The following ABCB4 variants were observed in gnomAD, a reference collection of about 807,000 sequenced individuals.
The protein encoded by ABCB4 is phosphatidylcholine translocator ABCB4.
Under a neutral mutation model 145.7 loss-of-function variants are expected in ABCB4, and 76 were observed. The observed-to-expected ratio is 0.52, with a 90% CI of 0.43 to 0.63. The LOEUF is 0.63. ABCB4 is among the 30% of genes least tolerant of loss of function. The pLI is 0.00. For synonymous variants in ABCB4, 517 were observed against 566.8 expected (o/e 0.91, Z 1.25); for missense variants, 1,234 against 1,553.1 (o/e 0.79, Z 3.45).
downstream of ABCB4, chr7:87,399,537 G>A (rs530636305): frequency 6.6e-6 from 1 of 152,268 alleles, no homozygotes; most frequent in African/African-American, 2.4e-5. Flanking sequence ...TAGTAGTATG[G>A]AGATGTATAC....
intron 3 of ABCB4, among the ~76,000 whole-genome samples, chr7:87,464,954 C>T (rs915720782): frequency 2.0e-5 from 3 of 152,308 alleles, no homozygotes; most frequent in Admixed American, 6.5e-5. Flanking sequence ...GCAAGTGACA[C>T]AGATAACAGG....
chr7:87,439,901 T>A (rs1395804594), intron 13 of ABCB4, 64 bp from the exon 14 acceptor site: 4 of 1,594,990 alleles, frequency 2.5e-6, no homozygotes, highest in Non-Finnish European at 3.4e-6. Flanking sequence ...AGGAATTCTA[T>A]AGAACTACAT....
chr7:87,368,413 G>T, the ABCB4 span, among the ~76,000 whole-genome samples: 1 of 152,146 alleles, frequency 6.6e-6, no homozygotes, highest in Admixed American at 6.5e-5. Flanking sequence ...GAGGTAAAAG[G>T]ATCTGGAGGT....
intron 3 of ABCB4, among the ~76,000 whole-genome samples, chr7:87,471,965 T>A (rs1439933984): frequency 6.6e-6 from 1 of 152,214 alleles, no homozygotes; most frequent in Non-Finnish European, 1.5e-5. Flanking sequence ...TTAAGCTAAA[T>A]TTGGGGTGGG....
At chr7:87,458,412 T>C (rs1812238397) in intron 4 of ABCB4, among the ~76,000 whole-genome samples, 1 of 152,198 alleles carries the variant, frequency 6.6e-6, no homozygotes, top group South Asian at 2.1e-4. Flanking sequence ...CCTCTTGTAA[T>C]ATGAACCTTT....
chr7:87,465,337 C>T (rs1322518727), intron 3 of ABCB4, among the ~76,000 whole-genome samples: 3 of 152,152 alleles, frequency 2.0e-5, no homozygotes, highest in Admixed American at 6.5e-5. Context: ...GAAGGGTGCC[C>T]TCCATAGCTG....
chr7:87,432,079 G>A (rs1810278529), intron 14 of ABCB4, among the ~76,000 whole-genome samples: 1 of 152,122 alleles, frequency 6.6e-6, no homozygotes, highest in Admixed American at 6.5e-5. Flanking sequence ...TAAAATTATG[G>A]TTCAAAAGCC....
At chr7:87,447,263 G>A (rs1028864563) in intron 8 of ABCB4, 58 bp from the exon 9 acceptor site, 5 of 1,542,308 alleles carry the variant, frequency 3.2e-6, no homozygotes, top group Non-Finnish European at 4.5e-6. Context: ...CATAGTCCGA[G>A]TCACACTCGG....
At chr7:87,434,095 A>ATT (rs756063095) in intron 14 of ABCB4, among the ~76,000 whole-genome samples, 137 of 118,020 alleles carry the variant, frequency 1.2e-3, no homozygotes, top group African/African-American at 3.9e-3. Flanking sequence ...CACCTGGCTA[A>ATT]TTTTTTTTTT....
downstream of ABCB4, among the ~76,000 whole-genome samples, chr7:87,396,930 G>T (rs891736301): frequency 6.6e-6 from 1 of 152,096 alleles, no homozygotes; most frequent in Non-Finnish European, 1.5e-5. Context: ...ATAATTTCCA[G>T]TCTTAGGATT....
At chr7:87,467,881 G>C (rs1220678738) in intron 3 of ABCB4, among the ~76,000 whole-genome samples, 2 of 152,192 alleles carry the variant, frequency 1.3e-5, no homozygotes, top group Non-Finnish European at 2.9e-5. Flanking sequence ...GAATCTCTGG[G>C]ACACATTTAA....
intron 20 of ABCB4, 62 bp downstream of exon 20, chr7:87,418,475 G>T (rs1809152974): frequency 7.0e-7 from 1 of 1,434,786 alleles, no homozygotes. Context: ...GTGTGGGTAT[G>T]CTACATGCTT....
At chr7:87,407,515 T>C (rs1055680846) in intron 25 of ABCB4, among the ~76,000 whole-genome samples, 15 of 152,084 alleles carry the variant, frequency 9.9e-5, no homozygotes, top group Admixed American at 3.3e-4. Flanking sequence ...TCAGTAAGAG[T>C]TGGTCTTCAC....
chr7:87,409,233 T>C lies in ABCB4; in HGVS notation c.3081+3A>G. 1 of 1,614,022 alleles carries C rather than the reference T, an allele frequency of 6.2e-7. No individual in the cohort carries two copies. The highest frequency in any genetic ancestry group is 8.5e-7 in the Non-Finnish European group (1 of 1,179,950). ...AAGCATCATCAGGCATCAGAGAACT[T>C]ACAGGCTTCAGCCCCTCTTCACTGT... On this transcript the variant is annotated splice_donor_region_variant and intron_variant, in intron 24 of 27. Transcript: ENST00000649586.
At chr7:87,459,838 T>C (rs1812334246) in intron 4 of ABCB4, among the ~76,000 whole-genome samples, 1 of 152,196 alleles carries the variant, frequency 6.6e-6, no homozygotes, top group Non-Finnish European at 1.5e-5. Context: ...AGACCATACA[T>C]GAACAGATAA....
intron 4 of ABCB4, among the ~76,000 whole-genome samples, chr7:87,455,798 G>A (rs1018746192): frequency 2.1e-5 from 3 of 140,750 alleles, no homozygotes; most frequent in African/African-American, 9.1e-5. Context: ...AAATAGCCCA[G>A]GGGTCGTGTT....
rs535994534 is a variant in ABCB4 at position 87,406,811 on chromosome 7, T to C, written c.3280-317A>G. The stretch of plus-strand genomic sequence containing the variant: ...TGCGTTAAAGAAGCCTGCATCAAGG[T>C]GTCCCACTCAGGTCTGCTGTCCCCA... On this transcript the variant is annotated intron_variant, in intron 25 of 27. Coordinates refer to ENST00000649586, the MANE Select transcript of ABCB4 (RefSeq NM_000443.4). Among the ~76,000 whole-genome samples the C allele has an allele frequency of 1.1e-4, 17 of 152,318 alleles. No individual in the cohort carries two copies. The South Asian group carries it at 2.9e-3, about 26-fold the overall frequency.
In ABCB4 at chr7:87,454,526, A is replaced by G. The variant is rs373981081; in HGVS notation, c.344+9T>C. The G allele has an allele frequency of 3.1e-6, 5 of 1,597,990 alleles. No individual in the cohort carries two copies. The highest frequency in any genetic ancestry group is 4.3e-6 in the Non-Finnish European group (5 of 1,166,806). On this transcript the variant is annotated intron_variant, in intron 5 of 27. Transcript: ENST00000649586. ...AACTTTAAAAAAGTAGACCATATAT[A>G]TGAGTTACCTAGTCATTTCTTCTTC...
intron 2 of ABCB4, among the ~76,000 whole-genome samples, chr7:87,472,898 C>T (rs992614432): frequency 6.6e-6 from 1 of 152,106 alleles, no homozygotes; most frequent in Non-Finnish European, 1.5e-5. Flanking sequence ...TGGTCGCCTG[C>T]CTTACAGAGC....
Sources: gnomAD v4.1 joint callset for allele counts (sites outside exome capture counted in the v4.1 genomes callset) on GRCh38, gnomAD v4.1.1 for gene constraint, MANE v1.5 for transcripts, NCBI Gene and HGNC (gene_info 2026-07-23, HGNC 2026-07-21) for gene names.